LRP10: variants seen among roughly 807,000 people sequenced by gnomAD.
LRP10 encodes the protein LDL receptor related protein 10, also known as low-density lipoprotein receptor-related protein 10.
In LRP10, 42 loss-of-function variants were observed where a neutral mutation model predicts 58.5. That is an observed-to-expected ratio of 0.72 (90% CI 0.56 to 0.93). The LOEUF (loss-of-function observed/expected upper bound fraction) is 0.93. Among genes scored for constraint, LRP10 ranks in the 40% least tolerant of loss-of-function variants. The pLI is 0.00. For synonymous variants in LRP10, 377 were observed against 388.5 expected (o/e 0.97, Z 0.35); for missense variants, 872 against 940.1 (o/e 0.93, Z 0.95).
chr14:22,873,036 G>A, intron 2 of LRP10: 1 of 599,600 alleles, frequency 1.7e-6, no homozygotes, highest in East Asian at 2.8e-5. Flanking sequence ...GAGGGTAGAG[G>A]CAGTATTTCC....
At position 22,880,427 on chromosome 14, in the gene LRP10, T is replaced by C. The variant is rs2040050476; in HGVS notation, c.*2900T>C. ...ACTCAGTCCTTAAGAAACAAAATTC[T>C]GCCAGGCGCAGTAGCTCACACCTGT... On this transcript the variant is annotated 3_prime_UTR_variant, in exon 7 of 7. Transcript: ENST00000359591. 6.6e-6 allele frequency: 1 copy of C among 151,410 alleles called. No homozygotes were observed. Among genetic ancestry groups the C allele is most frequent in the South Asian group, 2.1e-4 (1 of 4,800 alleles). The allele number at this position is 151,410 out of a possible 1,614,324, so 9.4% of individuals were successfully genotyped here. A position where few individuals can be genotyped will look rare whatever the true frequency, so the allele number is the denominator to read the frequency against.
Position 22,876,042 on chromosome 14 carries a change from CTG to C in LRP10, c.1095_1096del (p.Ala366TrpfsTer13). On this transcript the variant is annotated frameshift_variant, in exon 5 of 7. Transcript: ENST00000359591. LOFTEE classifies it high-confidence loss of function. ...CCACCTGGACACTTCCCCTGTGGGG[CTG>C]CTGGCACCTCTGGTGCCACAGCCTG... is the stretch of plus-strand genomic sequence containing the variant. 2 of 1,613,304 alleles carry C rather than the reference CTG, an allele frequency of 1.2e-6. No homozygotes were observed. Among genetic ancestry groups the C allele is most frequent in the Non-Finnish European group, 1.7e-6 (2 of 1,179,860 alleles).
At position 22,879,359 on chromosome 14, in the gene LRP10, C is replaced by A. The variant is rs1238812401; in HGVS notation, c.*1832C>A. 2 of 337,488 alleles carry A rather than the reference C, an allele frequency of 5.9e-6. No homozygotes were observed. Among genetic ancestry groups the A allele is most frequent in the South Asian group, 2.1e-5 (1 of 47,506 alleles). The allele number at this position is 337,488 out of a possible 1,614,324, so 20.9% of individuals were successfully genotyped here. A position where few individuals can be genotyped will look rare whatever the true frequency, so the allele number is the denominator to read the frequency against. On this transcript the variant is annotated 3_prime_UTR_variant, in exon 7 of 7. Coordinates refer to ENST00000359591, the MANE Select transcript of LRP10 (RefSeq NM_014045.5). ...GAGAACCTGGTTCTTGCTTACTGTT[C>A]TCCCTTTGGGCCCTCCTTCCCAAAC...
rs2040040223 is a variant in LRP10 at position 22,879,422 on chromosome 14, G to A, written c.*1895G>A. On this transcript the variant is annotated 3_prime_UTR_variant, in exon 7 of 7. Transcript: ENST00000359591. Reference sequence around the variant, plus strand: ...GGATCCACTCAGCGTCAGGCCCAATGGAAATAGTGAAGCAGTGATTTTCCC... The same window carrying A: ...GGATCCACTCAGCGTCAGGCCCAATAGAAATAGTGAAGCAGTGATTTTCCC... 10 of 279,450 alleles carry A rather than the reference G, an allele frequency of 3.6e-5. No individual in the cohort carries two copies. Among genetic ancestry groups the A allele is most frequent in the South Asian group, 3.0e-4 (10 of 33,116 alleles). 17.3% of individuals were successfully genotyped at this position (279,450 alleles called of 1,614,324 possible). A position where few individuals can be genotyped will look rare whatever the true frequency, so the allele number is the denominator to read the frequency against.
rs376538327 is a variant in LRP10, at chr14:22,877,518, G to C, written c.2133G>C (p.Leu711=). Residue 711 remains leucine, a synonymous_variant, in exon 7 of 7, where the codon CTG becomes CTC. Coordinates refer to ENST00000359591, the MANE Select transcript of LRP10 (RefSeq NM_014045.5). The surrounding 1 kb of genome is among the most constrained non-coding windows in gnomAD (Gnocchi z 5.1). The part of the protein sequence containing the change: ...VWVAEAEDEP[L]LT ...TAGCTGAGGCAGAGGATGAGCCACT[G>C]CTTACCTGAGGGGACCTGGGGGCTC... 1.3e-5 allele frequency: 21 copies of C among 1,599,334 alleles called. No homozygotes were observed. The highest frequency in any genetic ancestry group is 1.7e-5 in the Non-Finnish European group (20 of 1,172,594).
At position 22,876,060 on chromosome 14, in the gene LRP10, CCA is replaced by C. The variant is rs1566493426; in HGVS notation, c.1115_1116del (p.Thr372SerfsTer7). The C allele has an allele frequency of 6.2e-7, 1 of 1,613,408 alleles. No individual in the cohort carries two copies. The highest frequency in any genetic ancestry group is 1.1e-5 in the South Asian group (1 of 91,076). ...TGTGGGGCTGCTGGCACCTCTGGTG[CCA>C]CAGCCTGCTACCTGCCTGCTGACCG... On this transcript the variant is annotated frameshift_variant, in exon 5 of 7. Transcript: ENST00000359591. LOFTEE classifies it high-confidence loss of function.
In LRP10 at chr14:22,877,491, G is replaced by GGTA; in HGVS notation, c.2108_2110dup (p.Val703dup). On this transcript the variant is annotated inframe_insertion, in exon 7 of 7. Transcript: ENST00000359591. This position sits in a 1 kb window ranked among gnomAD's most constrained non-coding sequence, Gnocchi z 5.1. ...TGCCACTGGCTGAGCCGGGGGTGTG[G>GGTA]GTAGCTGAGGCAGAGGATGAGCCAC... The GGTA allele has an allele frequency of 6.2e-7, 1 of 1,609,990 alleles. No homozygotes were observed. Among genetic ancestry groups the GGTA allele is most frequent in the South Asian group, 1.1e-5 (1 of 90,788 alleles).
At position 22,880,083 on chromosome 14, in the gene LRP10, A is replaced by G. The variant is rs1405921918; in HGVS notation, c.*2556A>G. ...AGAGTCTAGAGCCTAAGATAAAAGAAGATACCAGGGCTGGGCCACGGTGGC... is the reference window on the plus strand; with the variant it reads ...AGAGTCTAGAGCCTAAGATAAAAGAGGATACCAGGGCTGGGCCACGGTGGC... On this transcript the variant is annotated 3_prime_UTR_variant, in exon 7 of 7. Coordinates refer to ENST00000359591, the MANE Select transcript of LRP10 (RefSeq NM_014045.5). 1 of 152,238 alleles carries G rather than the reference A, an allele frequency of 6.6e-6. No individual in the cohort carries two copies. The highest frequency in any genetic ancestry group is 2.4e-5 in the African/African-American group (1 of 41,442). 9.4% of individuals were successfully genotyped at this position (152,238 alleles called of 1,614,324 possible). A position where few individuals can be genotyped will look rare whatever the true frequency, so the allele number is the denominator to read the frequency against.
rs144403539 is a variant in LRP10, at chr14:22,876,124, T to C, written c.1176T>C (p.Asp392=). The stretch of plus-strand genomic sequence containing the variant: ...AGACTTTCTGTGCTGATGGAGCAGA[T>C]GAGAGACGCTGTCGGCATTGCCAGC... ...NYQTFCADGA[D]ERRCRHCQPG... The change falls in exon 5 of 7, where the codon GAT becomes GAC. Residue 392 remains aspartate (D), a synonymous_variant. Transcript: ENST00000359591. 203 of 1,614,168 alleles carry C rather than the reference T, an allele frequency of 1.3e-4. 1 individual carries two copies. The African/African-American group carries it at 2.5e-3, about 20-fold the overall frequency.
intron 1 of LRP10, 142 bp downstream of exon 1, chr14:22,872,479 C>T: frequency 4.1e-6 from 4 of 986,432 alleles, no homozygotes; most frequent in East Asian, 2.6e-5. Flanking sequence ...CCGGCCCCAA[C>T]CCCCAGGAAG....
chr14:22,877,128 G>T lies in LRP10; in HGVS notation c.1743G>T (p.Gln581His), dbSNP rs570350751. Residue 581 changes from glutamine (Q) to histidine (H), a missense_variant, in exon 7 of 7, where the codon CAG (glutamine) becomes CAT (histidine). Gln to His is a conservative substitution (Grantham distance 24). Transcript: ENST00000359591. The surrounding 1 kb of genome is among the most constrained non-coding windows in gnomAD (Gnocchi z 5.1). ...TPARASEARSQVTPSAAPLEA... is the reference protein window; with the variant it reads ...TPARASEARSHVTPSAAPLEA... ...CTCGGGCCTCTGAGGCCAGATCCCA[G>T]GTCACACCTTCTGCTGCTCCCCTTG... is the stretch of plus-strand genomic sequence containing the variant. 84 of 1,612,086 alleles carry T rather than the reference G, an allele frequency of 5.2e-5. No homozygotes were observed. In the East Asian group the frequency reaches 1.7e-3, roughly 33 times the overall value.
chr14:22,877,180 G>A lies in LRP10; in HGVS notation c.1795G>A (p.Ala599Thr). 6.3e-7 allele frequency: 1 copy of A among 1,598,530 alleles called. No individual in the cohort carries two copies. The highest frequency in any genetic ancestry group is 1.3e-5 in the African/African-American group (1 of 74,740). ...GGCCCTAGATGGTGGCACAGGTCCA[G>A]CCCGTGAGGGCGGGGCAGTGGGTGG... is the stretch of plus-strand genomic sequence containing the variant. ...LEALDGGTGP[A>T]REGGAVGGQD... Residue 599 changes from alanine (A) to threonine (T), a missense_variant, in exon 7 of 7, where the codon GCC becomes ACC. Transcript: ENST00000359591. The surrounding 1 kb of genome is among the most constrained non-coding windows in gnomAD (Gnocchi z 5.1).
chr14:22,875,745 C>T lies in LRP10; in HGVS notation c.797C>T (p.Thr266Ile). Residue 266 changes from threonine (T) to isoleucine (I), a missense_variant, in exon 5 of 7, where the codon ACC becomes ATC. Thr to Ile is a moderately conservative substitution (Grantham distance 89, BLOSUM62 -1). Coordinates refer to ENST00000359591, the MANE Select transcript of LRP10 (RefSeq NM_014045.5). ...AGCTCCCGACTACTGCGTAGTCTCA[C>T]CCACTTCAGCAATGGCAAGGCTGTC... ...PESSRLLRSL[T>I]HFSNGKAVTV... 1 of 1,614,034 alleles carries T rather than the reference C, an allele frequency of 6.2e-7. No individual in the cohort carries two copies. Among genetic ancestry groups the T allele is most frequent in the Non-Finnish European group, 8.5e-7 (1 of 1,179,902 alleles).
chr14:22,872,075 G>A lies in LRP10; in HGVS notation c.-229G>A, dbSNP rs1489603895. 2 of 590,324 alleles carry A rather than the reference G, an allele frequency of 3.4e-6. No individual in the cohort carries two copies. The highest frequency in any genetic ancestry group is 6.0e-6 in the Non-Finnish European group (2 of 331,762). 36.6% of individuals were successfully genotyped at this position (590,324 alleles called of 1,614,324 possible). A position where few individuals can be genotyped will look rare whatever the true frequency, so the allele number is the denominator to read the frequency against. ...CCCCGGGAGAGAAGAGTGCGGCGGC[G>A]GACGGAGAAAACAACTCCAAAGTTG... On this transcript the variant is annotated 5_prime_UTR_variant, in exon 1 of 7. Coordinates refer to ENST00000359591, the MANE Select transcript of LRP10 (RefSeq NM_014045.5).
At chr14:22,876,579 A>G in intron 5 of LRP10, 110 bp from the exon 6 acceptor site, 1 of 1,482,538 alleles carries the variant, frequency 6.7e-7, no homozygotes, top group Admixed American at 1.9e-5. Context: ...AAGCCATGGC[A>G]CAGCTCCAGC....
At position 22,877,616 on chromosome 14, in the gene LRP10, ACC is replaced by A. The variant is rs2040022846; in HGVS notation, c.*90_*91del. ...TTAGAGGTGGGTCAGCCTCCCCTCC[ACC>A]ACTTCCTTCCCTGTCCCTGGATTTC... On this transcript the variant is annotated 3_prime_UTR_variant, in exon 7 of 7. Transcript: ENST00000359591. This position sits in a 1 kb window ranked among gnomAD's most constrained non-coding sequence, Gnocchi z 5.1. 7 of 962,428 alleles carry A rather than the reference ACC, an allele frequency of 7.3e-6. No homozygotes were observed. In the East Asian group the frequency reaches 1.9e-4, roughly 27 times the overall value. 59.6% of individuals were successfully genotyped at this position (962,428 alleles called of 1,614,324 possible).
At chr14:22,874,946 A>G (rs1037065669) in intron 3 of LRP10, 109 bp from the exon 4 acceptor site, 4 of 653,270 alleles carry the variant, frequency 6.1e-6, no homozygotes, top group African/African-American at 3.7e-5. Flanking sequence ...ATCATGGATA[A>G]GCAGATGTTT....
chr14:22,875,390 C>T lies in LRP10; in HGVS notation c.442C>T (p.Leu148=), dbSNP rs1566492636. 1.2e-6 allele frequency: 2 copies of T among 1,613,810 alleles called. No homozygotes were observed. The highest frequency in any genetic ancestry group is 1.7e-6 in the Non-Finnish European group (2 of 1,179,834). The change falls in exon 5 of 7, where the codon CTG becomes TTG. Residue 148 remains leucine, a synonymous_variant. Coordinates refer to ENST00000359591, the MANE Select transcript of LRP10 (RefSeq NM_014045.5). ...GTGCCTGCAGGAAGAGTTTCAGTGC[C>T]TGAACCACCGCTGTGTATCTGCTGT... ...LMCLQEEFQC[L]NHRCVSAVQR...
At position 22,876,298 on chromosome 14, in the gene LRP10, A is replaced by G. The variant is rs1223282353; in HGVS notation, c.1350A>G (p.Leu450=). Residue 450 remains leucine, a synonymous_variant, in exon 5 of 7, where the codon CTA becomes CTG. Coordinates refer to ENST00000359591, the MANE Select transcript of LRP10 (RefSeq NM_014045.5). ...KVITAAVIGS[L]VCGLLLVIAL... ...TTACAGCTGCAGTCATTGGCAGCCT[A>G]GTGTGCGGCCTGCTCCTGGTCATCG... 1 of 1,613,974 alleles carries G rather than the reference A, an allele frequency of 6.2e-7. No homozygotes were observed. The highest frequency in any genetic ancestry group is 8.5e-7 in the Non-Finnish European group (1 of 1,180,042).
Sources: allele counts gnomAD v4.1 joint callset, GRCh38; gene constraint gnomAD v4.1.1; non-coding constraint Gnocchi (gnomAD v3.1); transcripts MANE v1.5; gene names NCBI Gene and HGNC (gene_info 2026-07-23, HGNC 2026-07-21).